SEMA6D: variants seen among roughly 807,000 people sequenced by gnomAD.
The protein encoded by SEMA6D is semaphorin-6D.
A neutral mutation model predicts 106.6 loss-of-function variants in SEMA6D; 35 were observed. That is an observed-to-expected ratio of 0.33 (90% CI 0.25 to 0.44). The LOEUF (loss-of-function observed/expected upper bound fraction) is 0.44, where lower values mean the gene tolerates loss of function less well. Among genes scored for constraint, SEMA6D ranks in the 20% least tolerant of loss-of-function variants. SEMA6D has a pLI of 1.00. For missense variants in SEMA6D, 1,185 were observed against 1,345.9 expected, an observed-to-expected ratio of 0.88 and a Z score of 1.87; for synonymous variants, 499 against 487.7, an observed-to-expected ratio of 1.02 and a Z score of -0.31.
chr15:47,322,435 A>G (rs994587880), intron 1 of SEMA6D, among the ~76,000 whole-genome samples: 1 of 151,980 alleles, frequency 6.6e-6, no homozygotes, highest in African/African-American at 2.4e-5. Context: ...TTCTTGCCAG[A>G]TATTTTGTAC....
intron 1 of SEMA6D, among the ~76,000 whole-genome samples, chr15:47,382,333 C>T (rs2039668052): frequency 6.6e-6 from 1 of 151,892 alleles, no homozygotes; most frequent in African/African-American, 2.4e-5. Flanking sequence ...ATGGTGAAAC[C>T]CTGTCTCTAC....
intron 2 of SEMA6D, among the ~76,000 whole-genome samples, chr15:47,469,299 G>GGTGTGT (rs71299525): frequency 0.094 from 14,024 of 149,354 alleles, 696 homozygotes; most frequent in Non-Finnish European, 0.099. Flanking sequence ...GTTGCTTTAA[G>GGTGTGT]GTGTGTGTGT....
chr15:47,186,556 A>G (rs1468206953), intron 1 of SEMA6D, among the ~76,000 whole-genome samples: 2 of 150,606 alleles, frequency 1.3e-5, no homozygotes, highest in African/African-American at 4.9e-5. Context: ...AAAAACTATT[A>G]TATTTTCAAC....
chr15:47,246,211 G>A (rs1015155429), intron 1 of SEMA6D, among the ~76,000 whole-genome samples: 5 of 152,148 alleles, frequency 3.3e-5, no homozygotes, highest in Admixed American at 3.3e-4. Context: ...ATAATCAAGG[G>A]ATAGAGATGC....
intron 1 of SEMA6D, chr15:47,380,471 T>C (rs1393076111): frequency 6.6e-6 from 1 of 152,234 alleles, no homozygotes; most frequent in East Asian, 1.9e-4. Context: ...ACAGAATTTG[T>C]TGGCAGGTTC....
rs1485998970 is a variant in SEMA6D, at chr15:47,358,082, A to G, written c.-238-54311A>G. ...TAGAGAATCATTTTCTCAGAGCCCT[A>G]GAGTTTATTCTAGACCAGGGCTCTG... On this transcript the variant is annotated intron_variant, in intron 1 of 19. Coordinates refer to the SEMA6D transcript ENST00000558014. Among the ~76,000 whole-genome samples the G allele has an allele frequency of 2.0e-5, 3 of 152,200 alleles. No homozygotes were observed. In the East Asian group the frequency reaches 5.8e-4, roughly 29 times the overall value.
At chr15:47,502,196 T>A (rs529994388) in intron 3 of SEMA6D, among the ~76,000 whole-genome samples, 3 of 152,302 alleles carry the variant, frequency 2.0e-5, no homozygotes, top group Middle Eastern at 3.4e-3. Flanking sequence ...TTAATCATAT[T>A]CGGCTCTGTT....
chr15:47,442,028 T>A (rs76552436), intron 2 of SEMA6D, among the ~76,000 whole-genome samples: 8,514 of 152,220 alleles, frequency 0.056, 407 homozygotes, highest in East Asian at 0.23. Context: ...ATACAATTTC[T>A]AATGTTATAA....
At chr15:47,275,688 A>G (rs892021428) in intron 1 of SEMA6D, among the ~76,000 whole-genome samples, 2 of 152,020 alleles carry the variant, frequency 1.3e-5, no homozygotes, top group African/African-American at 4.8e-5. Flanking sequence ...GGGCCTCCCT[A>G]TTCCCTGAGA....
intron 3 of SEMA6D, among the ~76,000 whole-genome samples, chr15:47,491,638 A>G (rs28702808): frequency 0.066 from 10,093 of 152,190 alleles, 994 homozygotes; most frequent in African/African-American, 0.22. Context: ...GTGGGTTTGT[A>G]TTATATTTTT....
chr15:47,730,449 C>G (rs180948696), intron 1 of SEMA6D: 11 of 1,388,018 alleles, frequency 7.9e-6, no homozygotes, highest in Admixed American at 5.3e-5. Context: ...ACAACCAGCT[C>G]GATGGGATCC....
intron 3 of SEMA6D, among the ~76,000 whole-genome samples, chr15:47,523,721 CT>C (rs1451714043): frequency 6.6e-6 from 1 of 152,188 alleles, no homozygotes; most frequent in African/African-American, 2.4e-5. Flanking sequence ...CAGAACTCTC[CT>C]AGTCACCCCT....
chr15:47,433,942 A>G (rs946287634), intron 2 of SEMA6D, among the ~76,000 whole-genome samples: 4 of 152,130 alleles, frequency 2.6e-5, no homozygotes, highest in African/African-American at 9.7e-5. Context: ...AAACTATGAG[A>G]TGGACTTTCA....
intron 3 of SEMA6D, among the ~76,000 whole-genome samples, chr15:47,556,156 A>G (rs2045908632): frequency 6.6e-6 from 1 of 152,202 alleles, no homozygotes; most frequent in African/African-American, 2.4e-5. Flanking sequence ...ATATACTGTT[A>G]TACTTAAAAA....
chr15:47,271,105 C>T (rs554307018), intron 1 of SEMA6D, among the ~76,000 whole-genome samples: 124 of 152,218 alleles, frequency 8.1e-4, no homozygotes, highest in African/African-American at 2.6e-3. Flanking sequence ...ATACACAAAC[C>T]GGAATTGTAT....
rs190534802 is a variant in SEMA6D, at chr15:47,357,109, C to T, written c.-238-55284C>T. On this transcript the variant is annotated intron_variant, in intron 1 of 19. Transcript: ENST00000558014. ...CAGCACTTTGGGAGGCGGAGGCGGGCGGATCACGAGGTCAGGAGATCGAGA... is the reference window on the plus strand; with the variant it reads ...CAGCACTTTGGGAGGCGGAGGCGGGTGGATCACGAGGTCAGGAGATCGAGA... 8.5e-4 allele frequency among the ~76,000 whole-genome samples: 129 copies of T among 151,748 alleles called. 3 individuals are homozygous for T. Among genetic ancestry groups the T allele is most frequent in the Admixed American group, 5.2e-4 (8 of 15,246 alleles).
intron 1 of SEMA6D, chr15:47,275,293 GAAT>G (rs1358266089): frequency 6.6e-6 from 1 of 152,090 alleles, no homozygotes; most frequent in Non-Finnish European, 1.5e-5. Flanking sequence ...AAAGGAAAAA[GAAT>G]AAAATTAACA....
intron 1 of SEMA6D, among the ~76,000 whole-genome samples, chr15:47,209,255 T>TTTCC (rs1279452180): frequency 6.6e-6 from 1 of 152,220 alleles, no homozygotes; most frequent in Non-Finnish European, 1.5e-5. Context: ...TGGTTCTTTT[T>TTTCC]TTATCTACTT....
At chr15:47,359,963 A>AT (rs1189611039) in intron 1 of SEMA6D, 1 of 152,070 alleles carries the variant, frequency 6.6e-6, no homozygotes, top group Non-Finnish European at 1.5e-5. Flanking sequence ...GCTTGGTGTG[A>AT]TTTTGGCCCC....
Sources: gnomAD v4.1 joint callset for allele counts (sites outside exome capture counted in the v4.1 genomes callset) on GRCh38, gnomAD v4.1.1 for gene constraint, MANE v1.5 for transcripts, NCBI Gene and HGNC (gene_info 2026-07-23, HGNC 2026-07-21) for gene names.